SGTB: variants seen among roughly 807,000 people sequenced by gnomAD.
SGTB encodes small glutamine rich tetratricopeptide repeat co-chaperone beta, also known as small glutamine-rich tetratricopeptide repeat-containing protein beta.
Under a neutral mutation model 43.9 loss-of-function variants are expected in SGTB, and 19 were observed. That is an observed-to-expected ratio of 0.43 (90% confidence interval 0.30 to 0.63). The LOEUF (loss-of-function observed/expected upper bound fraction) is 0.63. SGTB is among the 30% of genes least tolerant of loss of function. SGTB has a pLI of 0.12. For missense variants in SGTB, 304 were observed against 358.9 expected, an observed-to-expected ratio of 0.85 and a Z score of 1.24; for synonymous variants, 116 against 117.3, an observed-to-expected ratio of 0.99 and a Z score of 0.07.
At chr5:65,697,646 T>C (rs1001534760) in intron 5 of SGTB, among the ~76,000 whole-genome samples, 3 of 152,212 alleles carry the variant, frequency 2.0e-5, no homozygotes, top group African/African-American at 7.2e-5. Flanking sequence ...GATTTTCTAT[T>C]TTGGGGAGCT....
chr5:65,713,974 A>T (rs907301350), intron 2 of SGTB, among the ~76,000 whole-genome samples: 2 of 152,128 alleles, frequency 1.3e-5, no homozygotes, highest in African/African-American at 4.8e-5. Context: ...GGATAGCTTG[A>T]GCCTGGGAGG....
chr5:65,694,171 T>A (rs1757670822), intron 5 of SGTB, among the ~76,000 whole-genome samples: 1 of 152,064 alleles, frequency 6.6e-6, no homozygotes, highest in South Asian at 2.1e-4. Context: ...GGCTCACACG[T>A]GTAATCCCAG....
intron 5 of SGTB, among the ~76,000 whole-genome samples, chr5:65,700,513 T>G (rs1442923624): frequency 2.0e-5 from 3 of 150,194 alleles, no homozygotes; most frequent in East Asian, 3.9e-4. Flanking sequence ...CCATCTCTAC[T>G]AAAAAAAATA....
chr5:65,719,981 GACA>G (rs769407907), intron 2 of SGTB, among the ~76,000 whole-genome samples: 7 of 152,048 alleles, frequency 4.6e-5, no homozygotes, highest in African/African-American at 7.2e-5. Context: ...AGGAAATGGA[GACA>G]ACAAGATCTT....
intron 5 of SGTB, among the ~76,000 whole-genome samples, chr5:65,694,286 G>T (rs1247808094): frequency 6.6e-6 from 1 of 152,064 alleles, no homozygotes; most frequent in South Asian, 2.1e-4. Context: ...AAAAAAATTA[G>T]CTGGGCATAG....
chr5:65,690,147 C>T (rs1317740053), intron 5 of SGTB, among the ~76,000 whole-genome samples: 1 of 152,080 alleles, frequency 6.6e-6, no homozygotes, highest in Non-Finnish European at 1.5e-5. Flanking sequence ...AAAAAGGATG[C>T]TTAAAAAGAG....
At position 65,708,527 on chromosome 5, in the gene SGTB, G is replaced by T. The variant is rs1022388705; in HGVS notation, c.236C>A (p.Pro79His). The stretch of plus-strand genomic sequence containing the variant: ...TTGGTCAGCTTTTCCCACATCTTCA[G>T]GCACTGAGTTTGAAAGGGGCAGAAC... Reference protein sequence around the residue: ...NDVLPLSNSVPEDVGKADQLK... With the variant: ...NDVLPLSNSVHEDVGKADQLK... The change falls in exon 4 of 11, where the codon CCT becomes CAT. Residue 79 changes from proline (P) to histidine (H), a missense_variant. Transcript: ENST00000381007. 1.7e-5 allele frequency: 27 copies of T among 1,613,000 alleles called. No individual in the cohort carries two copies. The highest frequency in any genetic ancestry group is 2.3e-5 in the Non-Finnish European group (27 of 1,179,666).
At chr5:65,718,293 G>A (rs983719431) in intron 2 of SGTB, among the ~76,000 whole-genome samples, 3 of 152,036 alleles carry the variant, frequency 2.0e-5, no homozygotes, top group Non-Finnish European at 2.9e-5. Context: ...CCAGCCACCC[G>A]CCTCACCCAG....
At chr5:65,671,063 T>A (rs536824650) in intron 10 of SGTB, among the ~76,000 whole-genome samples, 2 of 152,358 alleles carry the variant, frequency 1.3e-5, no homozygotes, top group East Asian at 1.9e-4. Flanking sequence ...AAAGTTTGAA[T>A]AAAAATTTCC....
intron 5 of SGTB, among the ~76,000 whole-genome samples, chr5:65,687,265 T>A (rs530211971): frequency 1.3e-5 from 2 of 152,268 alleles, no homozygotes; most frequent in South Asian, 2.1e-4. Context: ...CTTTTCCCCA[T>A]CCAATGTGAG....
intron 5 of SGTB, among the ~76,000 whole-genome samples, chr5:65,701,636 T>TC (rs1248391291): frequency 6.0e-5 from 9 of 149,066 alleles, no homozygotes; most frequent in Admixed American, 5.3e-4. Context: ...TTAAATTTTT[T>TC]TTTTTTTTTT....
At chr5:65,672,426 GA>G (rs1757177296) in intron 8 of SGTB, 145 bp from the exon 9 acceptor site, 10 of 989,578 alleles carry the variant, frequency 1.0e-5, no homozygotes, top group Non-Finnish European at 3.0e-6. Context: ...AAGTAAAGGG[GA>G]ATGTAAAAAG....
At chr5:65,718,954 T>TAAGA (rs1444739416) in intron 2 of SGTB, among the ~76,000 whole-genome samples, 1 of 152,224 alleles carries the variant, frequency 6.6e-6, no homozygotes, top group African/African-American at 2.4e-5. Context: ...ATTTATCTGT[T>TAAGA]TGCTACAGAG....
intron 5 of SGTB, among the ~76,000 whole-genome samples, chr5:65,702,052 A>G (rs1378872565): frequency 6.6e-6 from 1 of 152,224 alleles, no homozygotes; most frequent in Admixed American, 6.5e-5. Flanking sequence ...CAGTACAGAT[A>G]TAGAACATTT....
At chr5:65,678,656 C>T (rs576492908) in intron 8 of SGTB, among the ~76,000 whole-genome samples, 101 of 152,246 alleles carry the variant, frequency 6.6e-4, no homozygotes, top group African/African-American at 2.4e-3. Context: ...ACACATAGAC[C>T]AGTGGAACAG....
chr5:65,676,052 TA>T (rs1245901053), intron 8 of SGTB, among the ~76,000 whole-genome samples: 1 of 151,664 alleles, frequency 6.6e-6, no homozygotes, highest in Admixed American at 6.6e-5. Flanking sequence ...GCAAACCAGA[TA>T]AAAAAACAAG....
intron 6 of SGTB, 35 bp from the exon 7 acceptor site, chr5:65,680,829 T>C (rs780687612): frequency 3.1e-6 from 5 of 1,595,638 alleles, no homozygotes; most frequent in Non-Finnish European, 4.3e-6. Flanking sequence ...ATCAGATATA[T>C]GATTAAAGAA....
intron 5 of SGTB, among the ~76,000 whole-genome samples, chr5:65,699,729 A>G (rs961671121): frequency 1.3e-5 from 2 of 152,352 alleles, no homozygotes; most frequent in Non-Finnish European, 2.9e-5. Flanking sequence ...AAGTGCTGGG[A>G]TTATAGGCGT....
At chr5:65,696,570 A>G (rs1757718711) in intron 5 of SGTB, among the ~76,000 whole-genome samples, 3 of 152,172 alleles carry the variant, frequency 2.0e-5, no homozygotes, top group Admixed American at 6.6e-5. Flanking sequence ...CCTACAAGGC[A>G]CAGTATAAGG....
Sources: allele counts gnomAD v4.1 joint callset (sites outside exome capture counted in the v4.1 genomes callset), GRCh38; gene constraint gnomAD v4.1.1; transcripts MANE v1.5; gene names NCBI Gene and HGNC (gene_info 2026-07-23, HGNC 2026-07-21).